The following TPRG1 variants were observed in gnomAD, a reference collection of about 807,000 sequenced individuals.
TPRG1 encodes tumor protein p63 regulated 1, also known as tumor protein p63-regulated gene 1 protein.
In TPRG1, 29 loss-of-function variants were observed where a neutral mutation model predicts 29.3. The ratio of observed to expected loss-of-function variants is 0.99; its 90% CI spans 0.74 to 1.35. The LOEUF is 1.35. Ranked by LOEUF, TPRG1 falls within the 40% of genes most tolerant of loss-of-function variation. The pLI is 0.00. For synonymous variants in TPRG1, 130 were observed against 116.8 expected, an observed-to-expected ratio of 1.11 and a Z score of -0.73; for missense variants, 327 against 335.0, an observed-to-expected ratio of 0.98 and a Z score of 0.19.
At chr3:189,123,661 A>G (rs1196200497) in intron 1 of TPRG1, 1 of 152,246 alleles carries the variant, frequency 6.6e-6, no homozygotes, top group African/African-American at 2.4e-5. Context: ...TGAAGCAATT[A>G]ATGCTAAAAG....
intron 4 of TPRG1, among the ~76,000 whole-genome samples, chr3:189,288,656 G>A (rs536221035): frequency 6.6e-5 from 10 of 152,158 alleles, no homozygotes; most frequent in Non-Finnish European, 1.2e-4. Context: ...GGGGTCAAAG[G>A]CTTCTCACCT....
intron 1 of TPRG1, among the ~76,000 whole-genome samples, chr3:189,185,127 C>T (rs2108715035): frequency 6.6e-6 from 1 of 152,256 alleles, no homozygotes. Flanking sequence ...GGATGTAGTC[C>T]TTCTAAGAAC....
At chr3:189,138,076 A>G (rs1724011829) in intron 3 of TPRG1, among the ~76,000 whole-genome samples, 1 of 152,210 alleles carries the variant, frequency 6.6e-6, no homozygotes, top group Non-Finnish European at 1.5e-5. Context: ...TAGTTCCATT[A>G]TCACATAATA....
At chr3:189,186,967 C>T (rs1730999830) in intron 1 of TPRG1, among the ~76,000 whole-genome samples, 1 of 141,740 alleles carries the variant, frequency 7.1e-6, no homozygotes, top group Admixed American at 7.1e-5. Context: ...CCTTTAGATT[C>T]ATTTGTTCAT....
chr3:189,288,290 A>G (rs1019974448), intron 4 of TPRG1, among the ~76,000 whole-genome samples: 1 of 152,244 alleles, frequency 6.6e-6, no homozygotes, highest in South Asian at 2.1e-4. Context: ...AACAAAGTCT[A>G]TATAAACTTT....
intron 5 of TPRG1, among the ~76,000 whole-genome samples, chr3:189,312,117 G>GTTTCTTTCTTTCTTTCTTTC (rs71169040): frequency 1.6e-5 from 1 of 61,358 alleles, no homozygotes; most frequent in African/African-American, 7.7e-5. Context: ...TTCTTTCTTT[G>GTTTCTTTCTTTCTTTCTTTC]TTTCTTTCTT....
intron 5 of TPRG1, among the ~76,000 whole-genome samples, chr3:189,311,144 C>T (rs1366643248): frequency 6.6e-6 from 1 of 152,188 alleles, no homozygotes; most frequent in Non-Finnish European, 1.5e-5. Context: ...ATTATTCTCT[C>T]ACCTCCCCCA....
intron 3 of TPRG1, among the ~76,000 whole-genome samples, chr3:189,008,740 A>G (rs1477931879): frequency 6.6e-6 from 1 of 152,106 alleles, no homozygotes; most frequent in Non-Finnish European, 1.5e-5. Context: ...TAGATTTCAG[A>G]GTTTATGGAC....
At chr3:189,061,810 G>T (rs112629131) in intron 4 of TPRG1, among the ~76,000 whole-genome samples, 4,486 of 151,974 alleles carry the variant, frequency 0.03, 229 homozygotes, top group African/African-American at 0.1. Flanking sequence ...AGGTTGTGGA[G>T]AAACAGGAAC....
chr3:189,009,447 T>C (rs1712477824), intron 3 of TPRG1, among the ~76,000 whole-genome samples: 1 of 152,092 alleles, frequency 6.6e-6, no homozygotes, highest in Non-Finnish European at 1.5e-5. Context: ...GGAAGGCAGA[T>C]GTATTGAGAC....
intron 5 of TPRG1, among the ~76,000 whole-genome samples, chr3:189,157,632 T>C (rs1726869231): frequency 6.6e-6 from 1 of 152,162 alleles, no homozygotes; most frequent in Non-Finnish European, 1.5e-5. Flanking sequence ...AAGGAAGCGA[T>C]TCATCTGTTA....
At chr3:189,078,525 C>T (rs935776966) in intron 4 of TPRG1, among the ~76,000 whole-genome samples, 3 of 152,098 alleles carry the variant, frequency 2.0e-5, no homozygotes, top group African/African-American at 7.2e-5. Flanking sequence ...ACTGAATGAG[C>T]GAAGGAAGGT....
intron 1 of TPRG1, among the ~76,000 whole-genome samples, chr3:189,204,855 A>G (rs141366348): frequency 2.0e-5 from 3 of 152,206 alleles, no homozygotes; most frequent in African/African-American, 7.2e-5. Context: ...CTGCATAAAT[A>G]CAGCATGTAG....
At chr3:189,204,914 C>G (rs933082132) in intron 1 of TPRG1, among the ~76,000 whole-genome samples, 5 of 150,118 alleles carry the variant, frequency 3.3e-5, no homozygotes, top group Admixed American at 2.0e-4. Flanking sequence ...GTCTTTCTTT[C>G]TCTGTCTCTG....
At chr3:189,234,648 G>A (rs750861894) in intron 3 of TPRG1, among the ~76,000 whole-genome samples, 1 of 152,214 alleles carries the variant, frequency 6.6e-6, no homozygotes, top group Non-Finnish European at 1.5e-5. Context: ...AGGTTGTGCA[G>A]TGCCAGGATA....
At chr3:189,115,030 T>G (rs1721005121) in intron 1 of TPRG1, among the ~76,000 whole-genome samples, 1 of 152,196 alleles carries the variant, frequency 6.6e-6, no homozygotes, top group Non-Finnish European at 1.5e-5. Flanking sequence ...CCTTGTTTTA[T>G]TTCACCCCCT....
At chr3:189,056,040 CCTTCCTTCCTT>C (rs1715661339) in intron 4 of TPRG1, among the ~76,000 whole-genome samples, 1 of 55,046 alleles carries the variant, frequency 1.8e-5, no homozygotes, top group Non-Finnish European at 3.9e-5. Context: ...TCCCTTCCTT[CCTTCCTTCCTT>C]CCTTCCTTCC....
intron 1 of TPRG1, among the ~76,000 whole-genome samples, chr3:189,196,159 T>C (rs764563485): frequency 6.6e-6 from 1 of 152,194 alleles, no homozygotes; most frequent in Non-Finnish European, 1.5e-5. Flanking sequence ...CTGAGGTAAG[T>C]CACTTCCTTA....
At chr3:189,262,808 AG>A (rs1319483899) in intron 4 of TPRG1, among the ~76,000 whole-genome samples, 1 of 152,182 alleles carries the variant, frequency 6.6e-6, no homozygotes, top group Admixed American at 6.5e-5. Context: ...GTGGCATCTC[AG>A]GGCTTATCTG....
Sources: allele counts gnomAD v4.1 joint callset (sites outside exome capture counted in the v4.1 genomes callset), GRCh38; gene constraint gnomAD v4.1.1; transcripts MANE v1.5; gene names NCBI Gene and HGNC (gene_info 2026-07-23, HGNC 2026-07-21).